The following AKAP13 variants were observed in gnomAD, a reference collection of about 807,000 sequenced individuals.
The protein encoded by AKAP13 is A-kinase anchor protein 13.
A neutral mutation model predicts 264.5 loss-of-function variants in AKAP13; 80 were observed. The ratio of observed to expected loss-of-function variants is 0.30; its 90% confidence interval spans 0.25 to 0.36. AKAP13 has a LOEUF of 0.36. Ranked by LOEUF, AKAP13 falls within the 10% of genes least tolerant of loss-of-function variation. The pLI is 1.00. For missense variants in AKAP13, 3,712 were observed against 3,435.2 expected (o/e 1.08, Z -2.01); for synonymous variants, 1,380 against 1,250.2 (o/e 1.10, Z -2.19).
At chr15:85,526,345 G>C (rs1016293736) in intron 3 of AKAP13, among the ~76,000 whole-genome samples, 12 of 151,944 alleles carry the variant, frequency 7.9e-5, no homozygotes, top group Admixed American at 7.9e-4. Flanking sequence ...TTGCAGGCTT[G>C]ACTTCCCAGG....
intron 8 of AKAP13, among the ~76,000 whole-genome samples, chr15:85,624,875 G>T (rs1045565522): frequency 6.6e-6 from 1 of 152,194 alleles, no homozygotes. Flanking sequence ...GGGTCCATAG[G>T]CTTCATGTCA....
chr15:85,631,500 TCTCACACACACACACACACA>T (rs763738033), intron 8 of AKAP13, among the ~76,000 whole-genome samples: 137 of 80,196 alleles, frequency 1.7e-3, no homozygotes, highest in African/African-American at 5.6e-3. Flanking sequence ...TCTCTCTCTC[TCTCACACACACACACACACA>T]CACACACACA....
intron 17 of AKAP13, among the ~76,000 whole-genome samples, chr15:85,707,081 A>C (rs950003927): frequency 6.6e-6 from 1 of 152,216 alleles, no homozygotes; most frequent in Non-Finnish European, 1.5e-5. Flanking sequence ...GGCATTGCCT[A>C]GTGAATGGTA....
At chr15:85,658,227 T>C (rs571215193) in intron 11 of AKAP13, among the ~76,000 whole-genome samples, 1 of 152,324 alleles carries the variant, frequency 6.6e-6, no homozygotes, top group African/African-American at 2.4e-5. Flanking sequence ...TTTTAAAGTG[T>C]TAAGAAAAAC....
At chr15:85,471,940 G>A (rs773521954) in intron 1 of AKAP13, among the ~76,000 whole-genome samples, 3 of 152,154 alleles carry the variant, frequency 2.0e-5, no homozygotes, top group Non-Finnish European at 4.4e-5. Context: ...TTGGGGGAAA[G>A]TTGACATTTA....
chr15:85,645,760 T>G (rs574069629), intron 9 of AKAP13, 58 bp from the exon 10 acceptor site: 5 of 1,485,094 alleles, frequency 3.4e-6, no homozygotes, highest in Non-Finnish European at 3.5e-6. Context: ...GTTCTTTTTG[T>G]TTTTTGGTTT....
At position 85,578,643 on chromosome 15, in the gene AKAP13, G is replaced by A. The variant is rs113490371; in HGVS notation, c.862-287G>A. Among the ~76,000 whole-genome samples the A allele has an allele frequency of 3.5e-3, 526 of 152,210 alleles. 2 individuals carry two copies. Among genetic ancestry groups the A allele is most frequent in the African/African-American group, 0.012 (491 of 41,548 alleles). On this transcript the variant is annotated intron_variant, in intron 6 of 36. Coordinates refer to ENST00000394518, the MANE Select transcript of AKAP13 (RefSeq NM_007200.5). ...ACAGGCATGAGCCACCATGCCCGGC[G>A]AGACTCAGTTTTCATCTACTTCCTA...
intron 8 of AKAP13, among the ~76,000 whole-genome samples, chr15:85,592,681 G>T (rs746569723): frequency 3.9e-5 from 6 of 152,080 alleles, no homozygotes; most frequent in African/African-American, 7.2e-5. Context: ...TTAATTCTCA[G>T]TTTTTTTCAT....
intron 31 of AKAP13, among the ~76,000 whole-genome samples, 157 bp downstream of exon 31, chr15:85,735,307 T>C (rs957164020): frequency 2.6e-5 from 4 of 152,242 alleles, no homozygotes; most frequent in Non-Finnish European, 4.4e-5. Context: ...CAGACTCATA[T>C]TCATTTTGAG....
chr15:85,677,003 G>A (rs557189078), intron 14 of AKAP13: 2 of 985,442 alleles, frequency 2.0e-6, no homozygotes, highest in Non-Finnish European at 2.4e-6. Flanking sequence ...CCAGCAAGGC[G>A]GATCTCCATC....
chr15:85,499,728 T>C (rs2075989523), intron 2 of AKAP13, among the ~76,000 whole-genome samples: 1 of 152,040 alleles, frequency 6.6e-6, no homozygotes, highest in Non-Finnish European at 1.5e-5. Flanking sequence ...CACTTGTCTC[T>C]GTGGAGCCCC....
chr15:85,506,888 T>C (rs2076241533), intron 2 of AKAP13, among the ~76,000 whole-genome samples: 2 of 152,192 alleles, frequency 1.3e-5, no homozygotes, highest in South Asian at 4.1e-4. Flanking sequence ...GAAGCCATGG[T>C]CCGTTAGTCC....
rs146141039 is a variant in AKAP13 at position 85,452,707 on chromosome 15, T to G, written c.-11-33003T>G. Among the ~76,000 whole-genome samples, 134 of 152,252 alleles carry G rather than the reference T, an allele frequency of 8.8e-4. 1 individual carries two copies. Among genetic ancestry groups the G allele is most frequent in the African/African-American group, 3.1e-3 (130 of 41,544 alleles). On this transcript the variant is annotated intron_variant, in intron 1 of 36. Coordinates refer to ENST00000394518, the MANE Select transcript of AKAP13 (RefSeq NM_007200.5). ...GCTCTTAGGCTTATTGGACAGCTGG[T>G]GGACTAAACAGTTGTTCAGTTGTGT... is the stretch of plus-strand genomic sequence containing the variant.
rs373301538 is a variant in AKAP13 at position 85,430,388 on chromosome 15, G to T, written c.-12+49590G>T. Reference sequence around the variant, plus strand: ...GTCTTTCCTAAGCATTTAGAAATTAGTTGAAGTTGTAAACACTGTTAGCTG... The same window carrying T: ...GTCTTTCCTAAGCATTTAGAAATTATTTGAAGTTGTAAACACTGTTAGCTG... On this transcript the variant is annotated intron_variant, in intron 1 of 36. Transcript: ENST00000394518. 3.3e-5 allele frequency among the ~76,000 whole-genome samples: 5 copies of T among 152,198 alleles called. 1 individual carries two copies. The East Asian group carries it at 9.6e-4, about 29-fold the overall frequency.
At chr15:85,498,590 A>ATCTTTGATCTGGTCAG (rs6145663) in intron 2 of AKAP13, among the ~76,000 whole-genome samples, 1 of 152,000 alleles carries the variant, frequency 6.6e-6, no homozygotes, top group Non-Finnish European at 1.5e-5. Flanking sequence ...GGTTGATACT[A>ATCTTTGATCTGGTCAG]TTGAAGCTTG....
At chr15:85,636,885 G>T (rs966250954) in intron 8 of AKAP13, among the ~76,000 whole-genome samples, 2 of 152,220 alleles carry the variant, frequency 1.3e-5, no homozygotes, top group Non-Finnish European at 2.9e-5. Flanking sequence ...AAAGTGCTGG[G>T]ATTACAGGCA....
intron 1 of AKAP13, among the ~76,000 whole-genome samples, chr15:85,462,827 A>C (rs1432829455): frequency 6.6e-6 from 1 of 151,612 alleles, no homozygotes; most frequent in Admixed American, 6.6e-5. Context: ...GATCGAGACC[A>C]TCCCGGCTAA....
At chr15:85,427,996 C>T (rs1341974828) in intron 1 of AKAP13, among the ~76,000 whole-genome samples, 1 of 152,192 alleles carries the variant, frequency 6.6e-6, no homozygotes, top group Non-Finnish European at 1.5e-5. Context: ...GTCCAACTTA[C>T]ACTCCTGAGA....
chr15:85,414,320 A>T (rs1035074064), intron 1 of AKAP13, among the ~76,000 whole-genome samples: 2 of 152,222 alleles, frequency 1.3e-5, no homozygotes, highest in East Asian at 3.8e-4. Context: ...GATTGTGTGA[A>T]GGGTTTTTGA....
Sources: allele counts gnomAD v4.1 joint callset (sites outside exome capture counted in the v4.1 genomes callset), GRCh38; gene constraint gnomAD v4.1.1; transcripts MANE v1.5; gene names NCBI Gene and HGNC (gene_info 2026-07-23, HGNC 2026-07-21).